Variants in UBA6 observed in about 807,000 individuals in gnomAD.
The protein encoded by UBA6 is ubiquitin-like modifier-activating enzyme 6.
A neutral mutation model predicts 148.3 loss-of-function variants in UBA6; 87 were observed. The observed-to-expected ratio is 0.59, with a 90% confidence interval of 0.49 to 0.70. UBA6 has a LOEUF of 0.70. UBA6 is among the 30% of genes least tolerant of loss of function. The probability of loss-of-function intolerance (pLI) is 0.00; values close to 1 mark genes in which losing one functional copy is unlikely to be tolerated. For synonymous variants in UBA6, 376 were observed against 401.0 expected, an observed-to-expected ratio of 0.94 and a Z score of 0.75; for missense variants, 1,186 against 1,241.2, an observed-to-expected ratio of 0.96 and a Z score of 0.67.
intron 31 of UBA6, 73 bp from the exon 32 acceptor site, chr4:67,622,998 G>C (rs192412606): frequency 2.9e-6 from 4 of 1,377,688 alleles, no homozygotes; most frequent in East Asian, 2.3e-5. Flanking sequence ...AACATTGTTC[G>C]TAAACAATGT....
intron 29 of UBA6, among the ~76,000 whole-genome samples, chr4:67,624,557 C>T (rs1196550363): frequency 6.6e-6 from 1 of 151,980 alleles, no homozygotes; most frequent in Non-Finnish European, 1.5e-5. Flanking sequence ...TCTAAAATCA[C>T]TTAATACAGG....
chr4:67,694,406 TC>T (rs1730781956), intron 2 of UBA6, among the ~76,000 whole-genome samples: 2 of 150,956 alleles, frequency 1.3e-5, no homozygotes, highest in Admixed American at 6.6e-5. Flanking sequence ...TTTTTTTTTT[TC>T]TTGACATGGA....
chr4:67,670,689 G>A, intron 7 of UBA6, 97 bp from the exon 8 acceptor site: 1 of 914,240 alleles, frequency 1.1e-6, no homozygotes, highest in Non-Finnish European at 1.7e-6. Context: ...TTATAATTAA[G>A]TATACCTTAC....
intron 13 of UBA6, among the ~76,000 whole-genome samples, chr4:67,650,890 G>C (rs1415396853): frequency 6.6e-6 from 1 of 152,040 alleles, no homozygotes; most frequent in Non-Finnish European, 1.5e-5. Context: ...GAGAGAGAAA[G>C]CTAAAGAGAG....
chr4:67,630,729 A>G (rs1728978349), intron 25 of UBA6, among the ~76,000 whole-genome samples, 194 bp from the exon 26 acceptor site: 1 of 152,180 alleles, frequency 6.6e-6, no homozygotes, highest in African/African-American at 2.4e-5. Flanking sequence ...ATAAAAGACA[A>G]AACATCAAAC....
intron 17 of UBA6, among the ~76,000 whole-genome samples, chr4:67,642,040 G>C (rs1729319386): frequency 6.6e-6 from 1 of 151,840 alleles, no homozygotes; most frequent in Non-Finnish European, 1.5e-5. Flanking sequence ...ATATTTCTGT[G>C]TAATTATGTT....
At chr4:67,665,331 T>A (rs773144405) in intron 9 of UBA6, 39 bp from the exon 10 acceptor site, 4 of 1,219,284 alleles carry the variant, frequency 3.3e-6, no homozygotes, top group Non-Finnish European at 4.7e-6. Flanking sequence ...TACACAGGGA[T>A]ATAGATATTT....
At chr4:67,637,485 G>A (rs1729190495) in intron 19 of UBA6, among the ~76,000 whole-genome samples, 1 of 152,156 alleles carries the variant, frequency 6.6e-6, no homozygotes, top group African/African-American at 2.4e-5. Context: ...CGGTTTTGTA[G>A]AATAGAAAAG....
At position 67,613,344 on chromosome 4, in the gene UBA6, T is replaced by C. The variant is rs1728571515; in HGVS notation, c.*5653A>G. On this transcript the variant is annotated 3_prime_UTR_variant, in exon 33 of 33. Transcript: ENST00000322244. ...GAGACAAGACAGTAAGAATGAAGACTAGAACAAACAAAATAAAAACAGACC... is the reference window on the plus strand; with the variant it reads ...GAGACAAGACAGTAAGAATGAAGACCAGAACAAACAAAATAAAAACAGACC... The C allele has an allele frequency of 6.6e-6, 1 of 152,166 alleles. No individual in the cohort carries two copies. The highest frequency in any genetic ancestry group is 6.5e-5 in the Admixed American group (1 of 15,272). 9.4% of individuals were successfully genotyped at this position (152,166 alleles called of 1,614,324 possible).
intron 13 of UBA6, 84 bp from the exon 14 acceptor site, chr4:67,649,295 A>G (rs998779132): frequency 2.3e-6 from 3 of 1,304,970 alleles, no homozygotes; most frequent in African/African-American, 3.0e-5. Flanking sequence ...TGTGAGAATT[A>G]GAACTTAACT....
chr4:67,642,532 C>T (rs1273484319), intron 17 of UBA6, among the ~76,000 whole-genome samples: 1 of 152,056 alleles, frequency 6.6e-6, no homozygotes, highest in African/African-American at 2.4e-5. Flanking sequence ...CACAACCTAA[C>T]ATCTTTCAGT....
chr4:67,626,012 G>A (rs943305669), intron 28 of UBA6, among the ~76,000 whole-genome samples: 1 of 151,766 alleles, frequency 6.6e-6, no homozygotes, highest in African/African-American at 2.4e-5. Flanking sequence ...GTTTCCACAA[G>A]GACCCCATTA....
intron 31 of UBA6, 40 bp from the exon 32 acceptor site, chr4:67,622,965 G>A (rs767862338): frequency 7.3e-6 from 11 of 1,516,428 alleles, no homozygotes; most frequent in Admixed American, 3.7e-5. Context: ...TGAAAGCCTC[G>A]CTCAAACATA....
chr4:67,626,405 T>C lies in UBA6; in HGVS notation c.2473A>G (p.Ile825Val), dbSNP rs752231381. The stretch of plus-strand genomic sequence containing the variant: ...AAAATAGCCTTTTCTAGTTGGAAAA[T>C]TGCATTCCTCTCATCTTCACTGCTA... ...PISSEDERNA[I>V]FQLEKAILSN... The change falls in exon 28 of 33, where the codon ATT (isoleucine) becomes GTT (valine). Residue 825 changes from isoleucine to valine, a missense_variant. Transcript: ENST00000322244. 6 of 1,611,536 alleles carry C rather than the reference T, an allele frequency of 3.7e-6. No homozygotes were observed. The highest frequency in any genetic ancestry group is 4.2e-6 in the Non-Finnish European group (5 of 1,178,380).
chr4:67,635,743 A>G (rs1729123996), intron 19 of UBA6, among the ~76,000 whole-genome samples, 185 bp from the exon 20 acceptor site: 2 of 92,056 alleles, frequency 2.2e-5, no homozygotes, highest in South Asian at 2.5e-4. Context: ...TGCAATATAC[A>G]TATACATCTA....
intron 23 of UBA6, among the ~76,000 whole-genome samples, chr4:67,632,693 T>G (rs912221109): frequency 1.3e-5 from 2 of 152,070 alleles, no homozygotes; most frequent in African/African-American, 2.4e-5. Flanking sequence ...AAAGAAGAAG[T>G]ATAAACGAAA....
At chr4:67,637,248 C>T (rs1346023040) in intron 19 of UBA6, among the ~76,000 whole-genome samples, 1 of 150,086 alleles carries the variant, frequency 6.7e-6, no homozygotes. Flanking sequence ...GTCTGGCCAG[C>T]CGCCCAGCCC....
At chr4:67,694,834 T>G (rs1730794337) in intron 2 of UBA6, among the ~76,000 whole-genome samples, 1 of 152,244 alleles carries the variant, frequency 6.6e-6, no homozygotes, top group Non-Finnish European at 1.5e-5. Context: ...AGGAAGATAT[T>G]AAAACTCAAA....
chr4:67,654,980 C>A (rs1043697122), intron 13 of UBA6, among the ~76,000 whole-genome samples: 1 of 152,016 alleles, frequency 6.6e-6, no homozygotes, highest in South Asian at 2.1e-4. Context: ...ATCAATTCAA[C>A]AAGAAGAGCT....
Sources: gnomAD v4.1 joint callset for allele counts (sites outside exome capture counted in the v4.1 genomes callset) on GRCh38, gnomAD v4.1.1 for gene constraint, MANE v1.5 for transcripts, NCBI Gene and HGNC (gene_info 2026-07-23, HGNC 2026-07-21) for gene names.